The following PGM2L1 variants were observed in gnomAD, a reference collection of about 807,000 sequenced individuals.
The protein encoded by PGM2L1 is phosphoglucomutase 2 like 1.
Under a neutral mutation model 73.4 loss-of-function variants are expected in PGM2L1, and 35 were observed. The ratio of observed to expected loss-of-function variants is 0.48; its 90% CI spans 0.36 to 0.63. The LOEUF is 0.63. PGM2L1 is among the 30% of genes least tolerant of loss of function. The pLI, the probability that PGM2L1 is intolerant of heterozygous loss-of-function variation, is 0.00. For missense variants in PGM2L1, 570 were observed against 742.0 expected, an observed-to-expected ratio of 0.77 and a Z score of 2.69; for synonymous variants, 225 against 253.8, an observed-to-expected ratio of 0.89 and a Z score of 1.08.
Position 74,342,999 on chromosome 11 carries a change from G to A in PGM2L1, c.1328C>T (p.Thr443Ile). Residue 443 changes from threonine (T) to isoleucine (I), a missense_variant, in exon 11 of 14, where the codon ACT becomes ATT. By Grantham distance (89) the Thr-to-Ile change is moderately conservative. Coordinates refer to ENST00000298198, the MANE Select transcript of PGM2L1 (RefSeq NM_173582.6). ...CACCCCATCTTTATCCAAAACTGAA[G>A]TTCCACAGAGAAAACCTGAGGATTG... ...FEESIGFLCG[T>I]SVLDKDGVSA... The A allele has an allele frequency of 6.2e-7, 1 of 1,602,776 alleles. No homozygotes were observed. The highest frequency in any genetic ancestry group is 8.5e-7 in the Non-Finnish European group (1 of 1,176,846).
chr11:74,368,178 C>T (rs532288268), intron 5 of PGM2L1, among the ~76,000 whole-genome samples: 2 of 152,146 alleles, frequency 1.3e-5, no homozygotes, highest in East Asian at 1.9e-4. Context: ...TTGAAAACTC[C>T]GATTCATTTT....
chr11:74,378,953 A>G (rs1175782735), intron 1 of PGM2L1, among the ~76,000 whole-genome samples: 1 of 152,182 alleles, frequency 6.6e-6, no homozygotes, highest in Non-Finnish European at 1.5e-5. Flanking sequence ...ATAACTAGGG[A>G]CTTCTATATT....
intron 1 of PGM2L1, 103 bp from the exon 2 acceptor site, chr11:74,374,685 C>A: frequency 1.0e-6 from 1 of 972,902 alleles, no homozygotes; most frequent in Non-Finnish European, 1.5e-6. Flanking sequence ...GTTCAACATT[C>A]AATATAAATT....
rs1862054307 is a variant in PGM2L1 at position 74,334,023 on chromosome 11, A to G, written c.*2629T>C. On this transcript the variant is annotated 3_prime_UTR_variant, in exon 14 of 14. Coordinates refer to ENST00000298198, the MANE Select transcript of PGM2L1 (RefSeq NM_173582.6). ...CCTGTTAGGCAAATGTGCACCTACTACATCAAGTTCATGTTAAGTATCATG... is the reference window on the plus strand; with the variant it reads ...CCTGTTAGGCAAATGTGCACCTACTGCATCAAGTTCATGTTAAGTATCATG... 1 of 152,232 alleles carries G rather than the reference A, an allele frequency of 6.6e-6. No individual in the cohort carries two copies. The allele number at this position is 152,232 out of a possible 1,614,324, so 9.4% of individuals were successfully genotyped here. A position where few individuals can be genotyped will look rare whatever the true frequency, so the allele number is the denominator to read the frequency against.
chr11:74,374,296 A>G, intron 2 of PGM2L1, 119 bp downstream of exon 2: 2 of 788,472 alleles, frequency 2.5e-6, no homozygotes, highest in South Asian at 6.5e-5. Context: ...GTTGGCCAGG[A>G]TGATCTCGAT....
chr11:74,338,739 G>A, intron 12 of PGM2L1, 138 bp from the exon 13 acceptor site: 1 of 1,109,300 alleles, frequency 9.0e-7, no homozygotes. Context: ...AATTAGAATG[G>A]CAGTTGCCAA....
At chr11:74,359,102 G>A (rs1385271722) in intron 5 of PGM2L1, among the ~76,000 whole-genome samples, 7 of 151,966 alleles carry the variant, frequency 4.6e-5, no homozygotes, top group Admixed American at 3.3e-4. Flanking sequence ...TCATTCATAT[G>A]TGTATATATT....
chr11:74,349,164 A>G (rs1862312158), intron 6 of PGM2L1, among the ~76,000 whole-genome samples: 1 of 152,202 alleles, frequency 6.6e-6, no homozygotes, highest in Non-Finnish European at 1.5e-5. Flanking sequence ...TTCATCAACC[A>G]TTTGATTAGC....
rs149105166 is a variant in PGM2L1, at chr11:74,370,914, A to G, written c.459T>C (p.Pro153=). Residue 153 remains proline (P), a synonymous_variant, in exon 4 of 14, where the codon CCT becomes CCC. Coordinates refer to ENST00000298198, the MANE Select transcript of PGM2L1 (RefSeq NM_173582.6). ...VPVYLFSRYV[P]TPFVPYAVQK... Reference sequence around the variant, plus strand: ...ACAACACACTTACTACAAAAGGTGTAGGAACATATCTTGAAAAAAGGTACA... The same window carrying G: ...ACAACACACTTACTACAAAAGGTGTGGGAACATATCTTGAAAAAAGGTACA... 1.9e-6 allele frequency: 3 copies of G among 1,611,008 alleles called. No individual in the cohort carries two copies. The African/African-American group carries it at 4.0e-5, about 22-fold the overall frequency.
intron 1 of PGM2L1, among the ~76,000 whole-genome samples, chr11:74,376,102 C>T (rs146876786): frequency 3.7e-4 from 56 of 152,274 alleles, no homozygotes; most frequent in African/African-American, 1.2e-3. Context: ...TTTTAAATTG[C>T]ACATGCCTTT....
At chr11:74,347,055 CT>C in intron 7 of PGM2L1, 92 bp downstream of exon 7, 1 of 1,135,106 alleles carries the variant, frequency 8.8e-7, no homozygotes, top group South Asian at 1.9e-5. Context: ...ACAGTCCTTT[CT>C]GCTTTTGTAA....
intron 5 of PGM2L1, among the ~76,000 whole-genome samples, chr11:74,362,773 C>A (rs1286872601): frequency 6.6e-6 from 1 of 152,026 alleles, no homozygotes; most frequent in Non-Finnish European, 1.5e-5. Flanking sequence ...ACTTAGATTC[C>A]CACACAATAA....
chr11:74,396,902 C>T (rs1440257826), intron 1 of PGM2L1, among the ~76,000 whole-genome samples: 1 of 152,204 alleles, frequency 6.6e-6, no homozygotes, highest in Non-Finnish European at 1.5e-5. Flanking sequence ...ATTGTAGTTG[C>T]TTATTTGTTG....
At chr11:74,342,804 T>C in intron 11 of PGM2L1, 81 bp downstream of exon 11, 1 of 1,437,026 alleles carries the variant, frequency 7.0e-7, no homozygotes, top group Non-Finnish European at 9.3e-7. Context: ...TCAACTATTC[T>C]TCAGAAACAA....
Position 74,371,915 on chromosome 11 carries a change from C to A in PGM2L1, c.280-98G>T, listed in dbSNP as rs918672221. 6 of 1,058,762 alleles carry A rather than the reference C, an allele frequency of 5.7e-6. No individual in the cohort carries two copies. The African/African-American group carries it at 9.4e-5, about 17-fold the overall frequency. The allele number at this position is 1,058,762 out of a possible 1,614,324, so 65.6% of individuals were successfully genotyped here. On this transcript the variant is annotated intron_variant, in intron 2 of 13. Coordinates refer to ENST00000298198, the MANE Select transcript of PGM2L1 (RefSeq NM_173582.6). The stretch of plus-strand genomic sequence containing the variant: ...TTATGTTTGCTGTGCAGCTGACTGG[C>A]TGCTAGGGAAGTGGCTTCTGCCTTT...
At chr11:74,359,533 A>T (rs2134910608) in intron 5 of PGM2L1, among the ~76,000 whole-genome samples, 1 of 150,712 alleles carries the variant, frequency 6.6e-6, no homozygotes, top group South Asian at 2.1e-4. Context: ...ATATATGTAC[A>T]TCTATATGTG....
At chr11:74,345,180 A>G (rs1315096058) in intron 9 of PGM2L1, among the ~76,000 whole-genome samples, 1 of 152,198 alleles carries the variant, frequency 6.6e-6, no homozygotes, top group Non-Finnish European at 1.5e-5. Context: ...GGTCACCAGG[A>G]GCTATATTTT....
At chr11:74,391,222 G>T in intron 1 of PGM2L1, among the ~76,000 whole-genome samples, 1 of 148,388 alleles carries the variant, frequency 6.7e-6, no homozygotes, top group African/African-American at 2.5e-5. Flanking sequence ...TTGGGTAACT[G>T]CTTTTTCTTT....
At chr11:74,369,280 G>A (rs1423031782) in intron 4 of PGM2L1, among the ~76,000 whole-genome samples, 1 of 152,160 alleles carries the variant, frequency 6.6e-6, no homozygotes, top group East Asian at 1.9e-4. Flanking sequence ...CCACATGACA[G>A]TGTACAAAAA....
Sources: allele counts gnomAD v4.1 joint callset (sites outside exome capture counted in the v4.1 genomes callset), GRCh38; gene constraint gnomAD v4.1.1; transcripts MANE v1.5; gene names NCBI Gene and HGNC (gene_info 2026-07-23, HGNC 2026-07-21).